The following KLF11 variants were observed in gnomAD, a reference collection of about 807,000 sequenced individuals.
The protein encoded by KLF11 is KLF transcription factor 11.
KLF11 carries 26 observed loss-of-function variants against 29.9 expected under a neutral mutation model. The observed-to-expected ratio is 0.87, with a 90% CI of 0.64 to 1.21. The LOEUF (loss-of-function observed/expected upper bound fraction) is 1.21, where lower values mean the gene tolerates loss of function less well. KLF11 is among the 50% of genes most tolerant of loss of function. KLF11 has a pLI of 0.00. For synonymous variants in KLF11, 318 were observed against 257.4 expected (o/e 1.24, Z -2.25); for missense variants, 778 against 665.7 (o/e 1.17, Z -1.86).
At position 10,043,573 on chromosome 2, in the gene KLF11, G is replaced by C; in HGVS notation, c.-144G>C. The C allele has an allele frequency of 2.4e-6, 1 of 414,024 alleles. No homozygotes were observed. The highest frequency in any genetic ancestry group is 3.2e-6 in the Non-Finnish European group (1 of 310,996). The allele number at this position is 414,024 out of a possible 1,614,324, so 25.6% of individuals were successfully genotyped here. A position where few individuals can be genotyped will look rare whatever the true frequency, so the allele number is the denominator to read the frequency against. Reference sequence around the variant, plus strand: ...GCGCCGCGAGGGCCGCGCCGGGGCAGAGCCGCGCGGGCGGGCGAGGCGCGT... The same window carrying C: ...GCGCCGCGAGGGCCGCGCCGGGGCACAGCCGCGCGGGCGGGCGAGGCGCGT... On this transcript the variant is annotated 5_prime_UTR_variant, in exon 1 of 4. Transcript: ENST00000305883.
rs1033413589 is a variant in KLF11 at position 10,047,842 on chromosome 2, A to G, written c.505A>G (p.Arg169Gly). Residue 169 changes from arginine (R) to glycine (G), a missense_variant, in exon 3 of 4, where the codon AGG (arginine) becomes GGG (glycine). Physicochemically the swap from Arg to Gly is moderately radical, Grantham distance 125. Transcript: ENST00000305883. ...GGAGCCAGTGCCCAGCTCTCCCTGC[A>G]GGGCCAAGGGGACTAGCGTGATCCG... ...GLEPVPSSPC[R>G]AKGTSVIRHT... The G allele has an allele frequency of 2.5e-6, 4 of 1,613,708 alleles. No individual in the cohort carries two copies. Among genetic ancestry groups the G allele is most frequent in the African/African-American group, 2.7e-5 (2 of 74,930 alleles).
intron 2 of KLF11, 136 bp downstream of exon 2, chr2:10,046,555 G>A (rs1661210536): frequency 4.0e-6 from 4 of 1,006,674 alleles, no homozygotes; most frequent in South Asian, 2.7e-5. Context: ...TGGGTCTGAA[G>A]GAGTAGAAAC....
chr2:10,043,850 G>T (rs1661074484), intron 1 of KLF11, 92 bp downstream of exon 1: 3 of 1,250,840 alleles, frequency 2.4e-6, no homozygotes, highest in Admixed American at 2.8e-5. Flanking sequence ...TGTAAATGCG[G>T]GAGGTGGGGC....
chr2:10,048,672 T>C (rs890820415), intron 3 of KLF11, 77 bp downstream of exon 3: 117 of 1,127,742 alleles, frequency 1.0e-4, no homozygotes, highest in Non-Finnish European at 1.5e-4. Flanking sequence ...CGCCTTTGGC[T>C]GGGAGGGGAT....
At position 10,047,749 on chromosome 2, in the gene KLF11, G is replaced by A. The variant is rs933412369; in HGVS notation, c.412G>A (p.Val138Ile). The change falls in exon 3 of 4, where the codon GTT becomes ATT. Residue 138 changes from valine (V) to isoleucine (I), a missense_variant. By Grantham distance (29) the Val-to-Ile change is conservative. Coordinates refer to ENST00000305883, the MANE Select transcript of KLF11 (RefSeq NM_003597.5). ...TTCCAAAGCATGTACAGCCACGGATGTTCTCCAGTCCTCTGCCGTAGTGGC... is the reference window on the plus strand; with the variant it reads ...TTCCAAAGCATGTACAGCCACGGATATTCTCCAGTCCTCTGCCGTAGTGGC... ...TDSKACTATD[V>I]LQSSAVVARA... 2.5e-6 allele frequency: 4 copies of A among 1,613,600 alleles called. No individual in the cohort carries two copies. The Admixed American group carries it at 5.0e-5, about 20-fold the overall frequency.
Position 10,048,452 on chromosome 2 carries a change from C to T in KLF11, c.1115C>T (p.Ala372Val), listed in dbSNP as rs1661300998. The change falls in exon 3 of 4, where the codon GCT becomes GTT. Residue 372 changes from alanine (A) to valine (V), a missense_variant. Physicochemically the swap from Ala to Val is moderately conservative, Grantham distance 64. Coordinates refer to ENST00000305883, the MANE Select transcript of KLF11 (RefSeq NM_003597.5). The stretch of plus-strand genomic sequence containing the variant: ...ACCAAGTTGTTGCCCCTTGCCCCTG[C>T]TCCAGTGTTCATCACCTCTAGCCAA... ...GNTKLLPLAP[A>V]PVFITSSQNC... The T allele has an allele frequency of 6.2e-7, 1 of 1,614,156 alleles. No individual in the cohort carries two copies. The highest frequency in any genetic ancestry group is 8.5e-7 in the Non-Finnish European group (1 of 1,180,048).
chr2:10,043,702 C>G lies in KLF11; in HGVS notation c.-15C>G. ...CGCCCCGCGGCCGCTTTGTTGCTCC[C>G]GGCCGGCCTGCACGATGCACACGCC... On this transcript the variant is annotated 5_prime_UTR_variant, in exon 1 of 4. Coordinates refer to ENST00000305883, the MANE Select transcript of KLF11 (RefSeq NM_003597.5). The G allele has an allele frequency of 7.5e-7, 1 of 1,334,930 alleles. No individual in the cohort carries two copies. Among genetic ancestry groups the G allele is most frequent in the Non-Finnish European group, 9.7e-7 (1 of 1,025,736 alleles). The allele number at this position is 1,334,930 out of a possible 1,614,324, so 82.7% of individuals were successfully genotyped here. A position where few individuals can be genotyped will look rare whatever the true frequency, so the allele number is the denominator to read the frequency against.
At position 10,052,428 on chromosome 2, in the gene KLF11, C is replaced by A. The variant is rs1371832768; in HGVS notation, c.1460C>A (p.Ala487Glu). 1 of 1,614,188 alleles carries A rather than the reference C, an allele frequency of 6.2e-7. No homozygotes were observed. Among genetic ancestry groups the A allele is most frequent in the Non-Finnish European group, 8.5e-7 (1 of 1,180,036 alleles). Reference protein sequence around the residue: ...MTTKKIPGWQAEVGKLNRIAS... With the variant: ...MTTKKIPGWQEEVGKLNRIAS... ...ACCAAGAAGATCCCAGGCTGGCAGG[C>A]AGAGGTTGGCAAGCTGAACAGAATC... The change falls in exon 4 of 4, where the codon GCA (alanine) becomes GAA (glutamate). Residue 487 changes from alanine (A) to glutamate (E), a missense_variant. By Grantham distance (107) the Ala-to-Glu change is moderately radical. Coordinates refer to ENST00000305883, the MANE Select transcript of KLF11 (RefSeq NM_003597.5).
intron 1 of KLF11, among the ~76,000 whole-genome samples, chr2:10,044,609 A>T (rs1661122304): frequency 6.7e-6 from 1 of 148,508 alleles, no homozygotes; most frequent in Non-Finnish European, 1.5e-5. Flanking sequence ...TGGCAGATAG[A>T]GAGGAAACGT....
rs1463894217 is a variant in KLF11, at chr2:10,043,728, G to A, written c.12G>A (p.Pro4=). 2.3e-5 allele frequency: 31 copies of A among 1,369,364 alleles called. No individual in the cohort carries two copies. The highest frequency in any genetic ancestry group is 2.7e-5 in the Non-Finnish European group (28 of 1,045,728). 84.8% of individuals were successfully genotyped at this position (1,369,364 alleles called of 1,614,324 possible). A position where few individuals can be genotyped will look rare whatever the true frequency, so the allele number is the denominator to read the frequency against. MHT[P]DFAGPDDARA... ...GGCCGGCCTGCACGATGCACACGCC[G>A]GACTTCGCAGGCCCAGACGACGCGC... is the stretch of plus-strand genomic sequence containing the variant. The change falls in exon 1 of 4, where the codon CCG becomes CCA. Residue 4 remains proline (P), a synonymous_variant. Coordinates refer to ENST00000305883, the MANE Select transcript of KLF11 (RefSeq NM_003597.5).
chr2:10,048,956 T>C (rs570149681), intron 3 of KLF11, among the ~76,000 whole-genome samples: 1 of 151,566 alleles, frequency 6.6e-6, no homozygotes, highest in Non-Finnish European at 1.5e-5. Flanking sequence ...TCATTCACAT[T>C]TAGTAAATGT....
intron 1 of KLF11, among the ~76,000 whole-genome samples, chr2:10,045,596 C>T (rs1022783294): frequency 9.9e-5 from 15 of 152,254 alleles, no homozygotes; most frequent in Admixed American, 3.9e-4. Context: ...GACTTCCACT[C>T]CCGAATCTGT....
At chr2:10,049,701 T>C (rs912543425) in intron 3 of KLF11, among the ~76,000 whole-genome samples, 6 of 152,252 alleles carry the variant, frequency 3.9e-5, no homozygotes, top group Non-Finnish European at 8.8e-5. Flanking sequence ...TTATCTTCCT[T>C]CTTTGACCCT....
In KLF11 at chr2:10,043,720, C is replaced by G. The variant is rs1199842247; in HGVS notation, c.4C>G (p.His2Asp). M[H>D]TPDFAGPDDA... ...TTGCTCCCGGCCGGCCTGCACGATG[C>G]ACACGCCGGACTTCGCAGGCCCAGA... is the stretch of plus-strand genomic sequence containing the variant. Residue 2 changes from histidine to aspartate, a missense_variant, in exon 1 of 4, where the codon CAC (histidine) becomes GAC (aspartate). Transcript: ENST00000305883. 2.2e-6 allele frequency: 3 copies of G among 1,373,260 alleles called. No individual in the cohort carries two copies. The highest frequency in any genetic ancestry group is 2.9e-6 in the Non-Finnish European group (3 of 1,048,214). The allele number at this position is 1,373,260 out of a possible 1,614,324, so 85.1% of individuals were successfully genotyped here. A position where few individuals can be genotyped will look rare whatever the true frequency, so the allele number is the denominator to read the frequency against.
At chr2:10,050,822 CT>C (rs1010441025) in intron 3 of KLF11, among the ~76,000 whole-genome samples, 22 of 136,674 alleles carry the variant, frequency 1.6e-4, no homozygotes, top group Non-Finnish European at 4.6e-5. Context: ...GATAAGATTG[CT>C]TTTTATATAT....
intron 1 of KLF11, 160 bp downstream of exon 1, chr2:10,043,918 C>T (rs1220606946): frequency 2.0e-6 from 2 of 1,014,764 alleles, no homozygotes; most frequent in East Asian, 9.1e-5. Context: ...CGGAGCCGGG[C>T]GGGGCGGCGG....
Position 10,048,287 on chromosome 2 carries a change from T to C in KLF11, c.950T>C (p.Ile317Thr), listed in dbSNP as rs780226216. Residue 317 changes from isoleucine (I) to threonine (T), a missense_variant, in exon 3 of 4, where the codon ATC becomes ACC. By Grantham distance (89) the Ile-to-Thr change is moderately conservative. Coordinates refer to ENST00000305883, the MANE Select transcript of KLF11 (RefSeq NM_003597.5). ...PQLSVGTVRPILAQAAPAPQP... is the reference protein window; with the variant it reads ...PQLSVGTVRPTLAQAAPAPQP... Reference sequence around the variant, plus strand: ...TTGTCTGTGGGGACTGTGAGACCCATCCTAGCTCAGGCTGCTCCAGCGCCT... The same window carrying C: ...TTGTCTGTGGGGACTGTGAGACCCACCCTAGCTCAGGCTGCTCCAGCGCCT... The C allele has an allele frequency of 1.2e-6, 2 of 1,603,318 alleles. No homozygotes were observed. Among genetic ancestry groups the C allele is most frequent in the Non-Finnish European group, 1.7e-6 (2 of 1,173,364 alleles).
At chr2:10,047,131 G>A (rs1055975752) in intron 2 of KLF11, among the ~76,000 whole-genome samples, 2 of 152,186 alleles carry the variant, frequency 1.3e-5, no homozygotes, top group Admixed American at 6.5e-5. Context: ...CTGCCCTCCC[G>A]TGGCAGCCGA....
At chr2:10,048,630 C>G (rs1241592137) in intron 3 of KLF11, 35 bp downstream of exon 3, 9 of 1,504,582 alleles carry the variant, frequency 6.0e-6, no homozygotes, top group Non-Finnish European at 7.3e-6. Flanking sequence ...TTGGGCACAC[C>G]AGACCCTGTG....
Sources: allele counts gnomAD v4.1 joint callset (sites outside exome capture counted in the v4.1 genomes callset), GRCh38; gene constraint gnomAD v4.1.1; transcripts MANE v1.5; gene names NCBI Gene and HGNC (gene_info 2026-07-23, HGNC 2026-07-21).